The following SAMD4A variants were observed in gnomAD, a reference collection of about 807,000 sequenced individuals.
SAMD4A encodes sterile alpha motif domain containing 4A.
A neutral mutation model predicts 81.3 loss-of-function variants in SAMD4A; 33 were observed. The observed-to-expected ratio is 0.41, with a 90% CI of 0.31 to 0.54. SAMD4A has a LOEUF of 0.54. SAMD4A is among the 20% of genes least tolerant of loss of function. The pLI is 0.37. For synonymous variants in SAMD4A, 389 were observed against 382.1 expected (o/e 1.02, Z -0.21); for missense variants, 854 against 951.1 (o/e 0.90, Z 1.34).
intron 2 of SAMD4A, among the ~76,000 whole-genome samples, chr14:54,622,624 C>G (rs1394541134): frequency 6.6e-6 from 1 of 152,222 alleles, no homozygotes; most frequent in African/African-American, 2.4e-5. Context: ...AGAGAGGACT[C>G]CTGCCCCTGG....
chr14:54,602,371 C>G (rs575097304), intron 2 of SAMD4A, among the ~76,000 whole-genome samples: 5 of 133,172 alleles, frequency 3.8e-5, no homozygotes, highest in African/African-American at 1.4e-4. Flanking sequence ...CACACACACA[C>G]ACACGAAACA....
intron 2 of SAMD4A, among the ~76,000 whole-genome samples, chr14:54,690,278 G>A (rs548677008): frequency 6.6e-6 from 1 of 152,148 alleles, no homozygotes; most frequent in Non-Finnish European, 1.5e-5. Flanking sequence ...CTACATCACA[G>A]ATGATGATAG....
chr14:54,635,709 C>T (rs1467739728), intron 2 of SAMD4A, among the ~76,000 whole-genome samples: 1 of 151,238 alleles, frequency 6.6e-6, no homozygotes, highest in African/African-American at 2.4e-5. Context: ...GATTGCACCA[C>T]TGCACTCCAG....
chr14:54,650,074 A>G (rs1004245791), intron 2 of SAMD4A, among the ~76,000 whole-genome samples: 3 of 152,152 alleles, frequency 2.0e-5, no homozygotes, highest in African/African-American at 7.2e-5. Flanking sequence ...TCCAGAGCGT[A>G]TTTTCTTGAA....
intron 3 of SAMD4A, among the ~76,000 whole-genome samples, chr14:54,731,253 C>T (rs941641215): frequency 8.5e-5 from 13 of 152,184 alleles, no homozygotes; most frequent in African/African-American, 3.1e-4. Context: ...TCTCCTGCAG[C>T]AAAACTTAAG....
chr14:54,678,008 C>T (rs1185748304), intron 2 of SAMD4A, among the ~76,000 whole-genome samples: 1 of 152,160 alleles, frequency 6.6e-6, no homozygotes, highest in East Asian at 1.9e-4. Context: ...GTGGCTGAGG[C>T]TCCTACAACA....
chr14:54,770,846 C>T (rs1325515812), intron 9 of SAMD4A, among the ~76,000 whole-genome samples: 1 of 152,150 alleles, frequency 6.6e-6, no homozygotes, highest in Non-Finnish European at 1.5e-5. Flanking sequence ...AGATGAACTG[C>T]AGTGACAATT....
At chr14:54,658,046 C>T (rs982267362) in intron 2 of SAMD4A, among the ~76,000 whole-genome samples, 4 of 152,188 alleles carry the variant, frequency 2.6e-5, no homozygotes, top group Non-Finnish European at 4.4e-5. Context: ...TGGTGGCTGA[C>T]GCCTGTAATT....
At position 54,765,344 on chromosome 14, in the gene SAMD4A, C is replaced by T. The variant is rs76380119; in HGVS notation, c.1596+804C>T. ...ATGTGAGAATAAGATAGTAAGGGGG[C>T]CGGGGTGGTGGGTCACACCTGTAAT... On this transcript the variant is annotated intron_variant, in intron 8 of 12. Transcript: ENST00000554335. Among the ~76,000 whole-genome samples the T allele has an allele frequency of 7.0e-3, 1,057 of 151,890 alleles. 11 individuals are homozygous for T. The highest frequency in any genetic ancestry group is 0.024 in the African/African-American group (1,013 of 41,402).
intron 2 of SAMD4A, chr14:54,685,602 G>A: frequency 2.4e-6 from 1 of 424,802 alleles, no homozygotes; most frequent in South Asian, 1.6e-5. Flanking sequence ...TTTTCTTTGT[G>A]GTTTCAGAAA....
intron 2 of SAMD4A, among the ~76,000 whole-genome samples, chr14:54,600,375 T>C (rs1183140333): frequency 6.6e-6 from 1 of 152,232 alleles, no homozygotes; most frequent in Non-Finnish European, 1.5e-5. Context: ...TTACTGTTTT[T>C]GTTTTTCTAT....
chr14:54,661,953 A>G (rs1317695640), intron 2 of SAMD4A, among the ~76,000 whole-genome samples: 2 of 152,098 alleles, frequency 1.3e-5, no homozygotes, highest in African/African-American at 4.8e-5. Flanking sequence ...AAAAAAAAAT[A>G]TGTTGAGCAG....
chr14:54,685,858 C>T (rs1365371889), intron 2 of SAMD4A: 5 of 456,512 alleles, frequency 1.1e-5, no homozygotes, highest in African/African-American at 2.0e-5. Flanking sequence ...GAAGTGGTGT[C>T]AGATCAGCTT....
chr14:54,681,834 A>T (rs2036135751), intron 2 of SAMD4A: 1 of 985,366 alleles, frequency 1.0e-6, no homozygotes, highest in Non-Finnish European at 1.2e-6. Flanking sequence ...ACAAAGTAAG[A>T]ATTGGAACTC....
At chr14:54,730,365 T>A (rs1400377934) in intron 3 of SAMD4A, among the ~76,000 whole-genome samples, 1 of 152,248 alleles carries the variant, frequency 6.6e-6, no homozygotes, top group African/African-American at 2.4e-5. Context: ...AGAGTCTCCC[T>A]TTGGTCTGAT....
At chr14:54,677,998 G>T (rs2036029820) in intron 2 of SAMD4A, among the ~76,000 whole-genome samples, 1 of 152,122 alleles carries the variant, frequency 6.6e-6, no homozygotes, top group South Asian at 2.1e-4. Flanking sequence ...CACTAGGTTC[G>T]TGGCTGAGGC....
chr14:54,787,305 C>T (rs2039166074), intron 12 of SAMD4A, among the ~76,000 whole-genome samples: 1 of 152,200 alleles, frequency 6.6e-6, no homozygotes, highest in Admixed American at 6.5e-5. Flanking sequence ...TATACAAGTG[C>T]ACTGGGTCTG....
At chr14:54,638,855 A>G (rs10140484) in intron 2 of SAMD4A, among the ~76,000 whole-genome samples, 65,918 of 152,074 alleles carry the variant, frequency 0.43, 14,477 homozygotes, top group Middle Eastern at 0.56. Flanking sequence ...CCGATGTTCT[A>G]AGAGAGTGGA....
At chr14:54,638,331 C>G (rs922050520) in intron 2 of SAMD4A, among the ~76,000 whole-genome samples, 1 of 152,170 alleles carries the variant, frequency 6.6e-6, no homozygotes, top group Non-Finnish European at 1.5e-5. Context: ...GAATTTCCCC[C>G]ATTTGTCATG....
Sources: gnomAD v4.1 joint callset for allele counts (sites outside exome capture counted in the v4.1 genomes callset) on GRCh38, gnomAD v4.1.1 for gene constraint, MANE v1.5 for transcripts, NCBI Gene and HGNC (gene_info 2026-07-23, HGNC 2026-07-21) for gene names.